Variants in PPAN observed in about 807,000 individuals in gnomAD.
PPAN encodes the protein peter pan homolog, also known as suppressor of SWI4 1 homolog.
PPAN carries 39 observed loss-of-function variants against 48.5 expected under a neutral mutation model. That is an observed-to-expected ratio of 0.80 (90% CI 0.62 to 1.05). PPAN has a LOEUF of 1.05. Among genes scored for constraint, PPAN ranks in the 50% least tolerant of loss-of-function variants. PPAN has a pLI of 0.00. For missense variants in PPAN, 736 were observed against 661.7 expected (o/e 1.11, Z -1.23); for synonymous variants, 315 against 268.6 (o/e 1.17, Z -1.69).
In PPAN at chr19:10,111,977, G is replaced by A. The variant is rs1054785161; in HGVS notation, c.*812G>A. On this transcript the variant is annotated 3_prime_UTR_variant, in exon 12 of 12. Transcript: ENST00000253107. ...ATAAAAAAATTAGCTGGGCCTGGTG[G>A]CACATGCCTGTAATCCCAGCTACTC... is the stretch of plus-strand genomic sequence containing the variant. 6.0e-6 allele frequency: 3 copies of A among 502,348 alleles called. No homozygotes were observed. The Admixed American group carries it at 1.0e-4, about 17-fold the overall frequency. The allele number at this position is 502,348 out of a possible 1,614,324, so 31.1% of individuals were successfully genotyped here.
rs761837334 is a variant in PPAN at position 10,107,616 on chromosome 19, C to T, written c.291+10C>T. ...GACCAATGTCTACTTTGTGAGTAGA[C>T]GCCCTCACCCTTCATCTCCCCCAGA... is the stretch of plus-strand genomic sequence containing the variant. On this transcript the variant is annotated intron_variant, in intron 3 of 11. Coordinates refer to ENST00000253107, the MANE Select transcript of PPAN (RefSeq NM_020230.7). 14 of 1,613,820 alleles carry T rather than the reference C, an allele frequency of 8.7e-6. No homozygotes were observed. Among genetic ancestry groups the T allele is most frequent in the African/African-American group, 2.7e-5 (2 of 74,998 alleles).
intron 5 of PPAN, 135 bp from the exon 6 acceptor site, chr19:10,109,496 C>A: frequency 9.1e-7 from 1 of 1,094,630 alleles, no homozygotes; most frequent in Non-Finnish European, 1.3e-6. Flanking sequence ...GTAGCTAAAA[C>A]TGCAGGTGCG....
At chr19:10,109,734 G>C (rs60214797) in intron 6 of PPAN, 27 bp downstream of exon 6, 2 of 1,609,738 alleles carry the variant, frequency 1.2e-6, no homozygotes, top group Admixed American at 3.4e-5. Context: ...GATGGGAGAC[G>C]AGGGGGTGCC....
Position 10,110,818 on chromosome 19 carries a change from G to T in PPAN, c.1153G>T (p.Asp385Tyr), listed in dbSNP as rs146850220. ...TGAGGACGATGATGAACAGGAAGAT[G>T]ATGACATCGAGTATTTCTGCCAGGC... is the stretch of plus-strand genomic sequence containing the variant. ...LGEDDDEQEDDDIEYFCQAVG... is the reference protein window; with the variant it reads ...LGEDDDEQEDYDIEYFCQAVG... Residue 385 changes from aspartate (D) to tyrosine (Y), a missense_variant, in exon 11 of 12, where the codon GAT becomes TAT. Physicochemically the swap from Asp to Tyr is radical, Grantham distance 160 (BLOSUM62 -3). Coordinates refer to ENST00000253107, the MANE Select transcript of PPAN (RefSeq NM_020230.7). This position sits in a 1 kb window ranked among gnomAD's most constrained non-coding sequence, Gnocchi z 5.9. The T allele has an allele frequency of 1.2e-4, 192 of 1,613,950 alleles. No individual in the cohort carries two copies. Among genetic ancestry groups the T allele is most frequent in the Non-Finnish European group, 1.6e-4 (187 of 1,180,030 alleles).
At chr19:10,109,801 GCT>G in intron 6 of PPAN, 94 bp downstream of exon 6, 1 of 1,589,468 alleles carries the variant, frequency 6.3e-7, no homozygotes, top group African/African-American at 1.3e-5. Context: ...CGCTGTGATT[GCT>G]CTGTCCAAAG....
Position 10,109,959 on chromosome 19 carries a change from C to T in PPAN, c.637C>T (p.Leu213=), listed in dbSNP as rs993379759. The change falls in exon 7 of 12, where the codon CTG becomes TTG. Residue 213 remains leucine (L), a synonymous_variant. Coordinates refer to ENST00000253107, the MANE Select transcript of PPAN (RefSeq NM_020230.7). ...GGGCGCGAGTCGCGGGATGAAGAAG[C>T]TGCTCCAGGAGAAGTTCCCCAACAT... ...PVGASRGMKK[L]LQEKFPNMSR... is the part of the protein sequence containing the mutation. 3.2e-5 allele frequency: 51 copies of T among 1,613,968 alleles called. No homozygotes were observed. The highest frequency in any genetic ancestry group is 7.7e-5 in the South Asian group (7 of 91,094).
At position 10,110,184 on chromosome 19, in the gene PPAN, C is replaced by T; in HGVS notation, c.760C>T (p.Pro254Ser). 1.9e-6 allele frequency: 3 copies of T among 1,610,852 alleles called. No individual in the cohort carries two copies. Among genetic ancestry groups the T allele is most frequent in the South Asian group, 2.2e-5 (2 of 91,076 alleles). Residue 254 changes from proline (P) to serine (S), a missense_variant, in exon 8 of 12, where the codon CCT (proline) becomes TCT (serine). By Grantham distance (74) the Pro-to-Ser change is moderately conservative. Coordinates refer to ENST00000253107, the MANE Select transcript of PPAN (RefSeq NM_020230.7). The surrounding 1 kb of genome is among the most constrained non-coding windows in gnomAD (Gnocchi z 5.9). ...CGGCGACCACAACATCACAGAGCTGCCTCAGGCTGTCGCTGGCCGTGGCAA... is the reference window on the plus strand; with the variant it reads ...CGGCGACCACAACATCACAGAGCTGTCTCAGGCTGTCGCTGGCCGTGGCAA... Reference protein sequence around the residue: ...PDGDHNITELPQAVAGRGNMR... With the variant: ...PDGDHNITELSQAVAGRGNMR...
At chr19:10,109,026 A>G (rs1323931682) in intron 5 of PPAN, among the ~76,000 whole-genome samples, 1 of 147,168 alleles carries the variant, frequency 6.8e-6, no homozygotes, top group East Asian at 2.0e-4. Flanking sequence ...CGGTGGCACA[A>G]TCTCATCTCA....
Position 10,110,947 on chromosome 19 carries a change from C to G in PPAN, c.1204C>G (p.Leu402Val), listed in dbSNP as rs779050709. 6.2e-6 allele frequency: 10 copies of G among 1,613,474 alleles called. No homozygotes were observed. The highest frequency in any genetic ancestry group is 1.7e-5 in the Admixed American group (1 of 60,010). Residue 402 changes from leucine to valine, a missense_variant and splice_region_variant, in exon 12 of 12, where the codon CTG (leucine) becomes GTG (valine). Physicochemically the swap from Leu to Val is conservative, Grantham distance 32. Transcript: ENST00000253107. The surrounding 1 kb of genome is among the most constrained non-coding windows in gnomAD (Gnocchi z 5.9). ...QAVGEAPSED[L>V]FPEAKQKRLA... ...CCTGACACTGTCTCTCCCCACAGAC[C>G]TGTTCCCCGAGGCCAAGCAGAAACG...
Position 10,106,662 on chromosome 19 carries a change from C to A in PPAN, c.180C>A (p.Ser60Arg). The A allele has an allele frequency of 2.0e-6, 3 of 1,536,836 alleles. No homozygotes were observed. The highest frequency in any genetic ancestry group is 2.6e-6 in the Non-Finnish European group (3 of 1,139,788). The change falls in exon 2 of 12, where the codon AGC becomes AGA. Residue 60 changes from serine to arginine, a missense_variant. By Grantham distance (110) the Ser-to-Arg change is moderately radical (BLOSUM62 -1). Transcript: ENST00000253107. ...GGGTCATGGAGCCGCTCACTGCCAG[C>A]CGTCTGCAGGTTTGTACCCCACCCC... ...VRRVMEPLTASRLQVRKKNSL... is the reference protein window; with the variant it reads ...VRRVMEPLTARRLQVRKKNSL...
At position 10,109,993 on chromosome 19, in the gene PPAN, T is replaced by G. The variant is rs1300697319; in HGVS notation, c.671T>G (p.Leu224Arg). ...GAGAAGTTCCCCAACATGAGCCGCC[T>G]GCAGGACATCAGCGAGCTGCTGGCC... ...LQEKFPNMSR[L>R]QDISELLATG... Residue 224 changes from leucine to arginine, a missense_variant, in exon 7 of 12, where the codon CTG becomes CGG. By Grantham distance (102) the Leu-to-Arg change is moderately radical. Transcript: ENST00000253107. The G allele has an allele frequency of 2.5e-6, 4 of 1,613,994 alleles. No homozygotes were observed. Among genetic ancestry groups the G allele is most frequent in the Non-Finnish European group, 3.4e-6 (4 of 1,179,944 alleles).
chr19:10,107,731 T>TA, intron 3 of PPAN, 73 bp from the exon 4 acceptor site: 1 of 1,610,750 alleles, frequency 6.2e-7, no homozygotes, highest in Non-Finnish European at 8.5e-7. Context: ...GAAGAAGAGA[T>TA]GGGGCAAAGG....
intron 4 of PPAN, 22 bp from the exon 5 acceptor site, chr19:10,107,942 C>G (rs762883655): frequency 2.5e-6 from 4 of 1,598,050 alleles, no homozygotes; most frequent in Non-Finnish European, 3.4e-6. Context: ...GTGGTCACCC[C>G]CTCCTCTCTC....
rs780835321 is a variant in PPAN at position 10,107,563 on chromosome 19, C to T, written c.248C>T (p.Thr83Ile). 45 of 1,614,036 alleles carry T rather than the reference C, an allele frequency of 2.8e-5. No homozygotes were observed. The highest frequency in any genetic ancestry group is 3.6e-5 in the Non-Finnish European group (43 of 1,180,032). The change falls in exon 3 of 12, where the codon ACA (threonine) becomes ATA (isoleucine). Residue 83 changes from threonine to isoleucine, a missense_variant. By Grantham distance (89) the Thr-to-Ile change is moderately conservative. Transcript: ENST00000253107. ...CVAVAGPLGV[T>I]HFLILSKTET... ...GCAGTGGCTGGGCCCCTCGGGGTCA[C>T]ACACTTTCTGATCCTGAGCAAAACA...
rs1337181006 is a variant in PPAN, at chr19:10,110,865, G to A, written c.1200G>A (p.Glu400=). Residue 400 remains glutamate (E), a splice_region_variant and synonymous_variant, in exon 11 of 12, where the codon GAG becomes GAA. Transcript: ENST00000253107. The surrounding 1 kb of genome is among the most constrained non-coding windows in gnomAD (Gnocchi z 5.9). ...AGGCGGTGGGCGAGGCGCCCAGTGAGGGTATGGAGTGGGGTCTGCAGCAGG... is the reference window on the plus strand; with the variant it reads ...AGGCGGTGGGCGAGGCGCCCAGTGAAGGTATGGAGTGGGGTCTGCAGCAGG... ...FCQAVGEAPS[E]DLFPEAKQKR... The A allele has an allele frequency of 6.2e-7, 1 of 1,613,782 alleles. No homozygotes were observed. Among genetic ancestry groups the A allele is most frequent in the African/African-American group, 1.3e-5 (1 of 74,990 alleles).
Position 10,111,241 on chromosome 19 carries a change from T to C in PPAN, c.*76T>C, listed in dbSNP as rs1384011307. On this transcript the variant is annotated 3_prime_UTR_variant, in exon 12 of 12. Transcript: ENST00000253107. The stretch of plus-strand genomic sequence containing the variant: ...CCGAGATGTGGCCCTCGGTTTCCTT[T>C]CATAAAGGAGTTGTGTCCCCAGCCC... 23 of 1,413,134 alleles carry C rather than the reference T, an allele frequency of 1.6e-5. No homozygotes were observed. In the South Asian group the frequency reaches 3.2e-4, roughly 19 times the overall value. The allele number at this position is 1,413,134 out of a possible 1,614,324, so 87.5% of individuals were successfully genotyped here.
rs2088888478 is a variant in PPAN at position 10,107,839 on chromosome 19, C to T, written c.327C>T (p.Thr109=). The change falls in exon 4 of 12, where the codon ACC becomes ACT. Residue 109 remains threonine, a synonymous_variant. Coordinates refer to ENST00000253107, the MANE Select transcript of PPAN (RefSeq NM_020230.7). The part of the protein sequence containing the change: ...LMRLPGGPTL[T]FQVKKYSLVR... Reference sequence around the variant, plus strand: ...GCCTCCCAGGAGGCCCCACCTTGACCTTCCAGGTCAAGAAGGTGAGAGGGG... The same window carrying T: ...GCCTCCCAGGAGGCCCCACCTTGACTTTCCAGGTCAAGAAGGTGAGAGGGG... The T allele has an allele frequency of 6.2e-7, 1 of 1,613,680 alleles. No individual in the cohort carries two copies. Among genetic ancestry groups the T allele is most frequent in the African/African-American group, 1.3e-5 (1 of 75,054 alleles).
intron 2 of PPAN, chr19:10,107,095 G>A: frequency 2.3e-6 from 1 of 435,242 alleles, no homozygotes; most frequent in Non-Finnish European, 4.5e-6. Context: ...GCTGAGGTGG[G>A]AGGATTCCTT....
In PPAN at chr19:10,110,988, A is replaced by AGGGC. The variant is rs756459791; in HGVS notation, c.1248_1251dup (p.Lys418AlafsTer17). On this transcript the variant is annotated frameshift_variant, in exon 12 of 12. Transcript: ENST00000253107. LOFTEE classifies it low-confidence loss of function (END_TRUNC). This position sits in a 1 kb window ranked among gnomAD's most constrained non-coding sequence, Gnocchi z 5.9. ...AGCAGAAACGGCTTGCCAAGTCTCC[A>AGGGC]GGGCGGAAGCGGAAGCGGTGGGAAA... The AGGGC allele has an allele frequency of 6.2e-7, 1 of 1,612,938 alleles. No individual in the cohort carries two copies.
Sources: gnomAD v4.1 joint callset for allele counts (sites outside exome capture counted in the v4.1 genomes callset) on GRCh38, gnomAD v4.1.1 for gene constraint, Gnocchi (gnomAD v3.1) non-coding constraint, MANE v1.5 for transcripts, NCBI Gene and HGNC (gene_info 2026-07-23, HGNC 2026-07-21) for gene names.